Variants in FBXO25 observed in about 807,000 individuals in gnomAD.
The protein encoded by FBXO25 is F-box protein 25.
Under a neutral mutation model 51.9 loss-of-function variants are expected in FBXO25, and 45 were observed. That is an observed-to-expected ratio of 0.87 (90% confidence interval 0.68 to 1.11). FBXO25 has a LOEUF of 1.11. FBXO25 is among the 50% of genes most tolerant of loss of function. The pLI is 0.00. For missense variants in FBXO25, 507 were observed against 428.5 expected (o/e 1.18, Z -1.62); for synonymous variants, 199 against 151.0 (o/e 1.32, Z -2.33).
At chr8:449,355 TTC>T (rs1798936011) in intron 5 of FBXO25, among the ~76,000 whole-genome samples, 1 of 152,238 alleles carries the variant, frequency 6.6e-6, no homozygotes, top group Non-Finnish European at 1.5e-5. Context: ...TCGGTCATCA[TTC>T]CCACAGGAGA....
chr8:417,251 G>C (rs1238063029), intron 2 of FBXO25, among the ~76,000 whole-genome samples: 1 of 152,208 alleles, frequency 6.6e-6, no homozygotes, highest in East Asian at 1.9e-4. Flanking sequence ...GGTTTGAGTA[G>C]AAGAGTGATT....
chr8:468,811 C>CCCCTGCCATCCCTA lies in FBXO25; in HGVS notation c.*8_*21dup, dbSNP rs751581424. ...CGACCTCTTCAAGTTTTAAGGGCTG[C>CCCCTGCCATCCCTA]CCCTGCCATCCCTATTGGAGATTGT... On this transcript the variant is annotated 3_prime_UTR_variant, in exon 10 of 10. Coordinates refer to ENST00000350302, the MANE Select transcript of FBXO25 (RefSeq NM_183420.2). 1.2e-6 allele frequency: 2 copies of CCCCTGCCATCCCTA among 1,612,726 alleles called. No individual in the cohort carries two copies. Among genetic ancestry groups the CCCCTGCCATCCCTA allele is most frequent in the Non-Finnish European group, 1.7e-6 (2 of 1,179,174 alleles).
intron 5 of FBXO25, among the ~76,000 whole-genome samples, chr8:440,819 T>C (rs913064884): frequency 6.7e-6 from 1 of 148,334 alleles, no homozygotes; most frequent in African/African-American, 2.5e-5. Context: ...CTCCCACTTA[T>C]GAATAAGAAC....
At position 474,328 on chromosome 8, in the gene FBXO25, G is replaced by C. The variant is rs1800579300; in HGVS notation, c.*5524G>C. On this transcript the variant is annotated 3_prime_UTR_variant, in exon 10 of 10. Coordinates refer to ENST00000350302, the MANE Select transcript of FBXO25 (RefSeq NM_183420.2). ...TCTATGGATGGACCACATTTTGTTT[G>C]TGTACTCATCTGTTGAGGACACTTG... The C allele has an allele frequency of 4.8e-6, 1 of 210,100 alleles. No homozygotes were observed. The highest frequency in any genetic ancestry group is 8.3e-5 in the South Asian group (1 of 12,050). 13.0% of individuals were successfully genotyped at this position (210,100 alleles called of 1,614,324 possible). A position where few individuals can be genotyped will look rare whatever the true frequency, so the allele number is the denominator to read the frequency against.
In FBXO25 at chr8:454,318, G is replaced by C. The variant is rs2116752791; in HGVS notation, c.660+2865G>C. On this transcript the variant is annotated intron_variant, in intron 7 of 9. Coordinates refer to ENST00000350302, the MANE Select transcript of FBXO25 (RefSeq NM_183420.2). ...GCTAATGAATTGGAAGTGCTTTCAT[G>C]TGCACATCTCTGTGACTCAGTGAGA... is the stretch of plus-strand genomic sequence containing the variant. 1.3e-5 allele frequency among the ~76,000 whole-genome samples: 2 copies of C among 152,294 alleles called. 1 individual carries two copies. Among genetic ancestry groups the C allele is most frequent in the Middle Eastern group, 6.8e-3 (2 of 294 alleles).
At chr8:427,697 G>A (rs1466703304) in intron 2 of FBXO25, among the ~76,000 whole-genome samples, 1 of 149,468 alleles carries the variant, frequency 6.7e-6, no homozygotes, top group Non-Finnish European at 1.5e-5. Flanking sequence ...ATTATGTGTA[G>A]TATAGTACTT....
chr8:421,472 A>G (rs1797151313), intron 2 of FBXO25, among the ~76,000 whole-genome samples: 1 of 152,212 alleles, frequency 6.6e-6, no homozygotes, highest in Non-Finnish European at 1.5e-5. Flanking sequence ...TGTTTCTCAT[A>G]GGGGCATGGG....
rs115191934 is a variant in FBXO25 at position 465,075 on chromosome 8, G to A, written c.987+1925G>A. Among the ~76,000 whole-genome samples, 1,150 of 152,262 alleles carry A rather than the reference G, an allele frequency of 7.6e-3. 9 individuals are homozygous for A. The highest frequency in any genetic ancestry group is 0.017 in the Middle Eastern group (5 of 294). ...TATAGGGCACAGAAGGCACAGTATG[G>A]GGGTGAGTTGTCTGCAGTAGAAGCC... On this transcript the variant is annotated intron_variant, in intron 9 of 9. Transcript: ENST00000350302.
Position 435,669 on chromosome 8 carries a change from G to T in FBXO25, c.343G>T (p.Ala115Ser). 2 of 1,601,526 alleles carry T rather than the reference G, an allele frequency of 1.2e-6. No individual in the cohort carries two copies. Among genetic ancestry groups the T allele is most frequent in the Non-Finnish European group, 1.7e-6 (2 of 1,176,834 alleles). ...EAFNRLDFSSAIQDIRRFNYV... is the reference protein window; with the variant it reads ...EAFNRLDFSSSIQDIRRFNYV... ...CTTTAATCGGTTAGACTTCTCAAGT[G>T]CAATTCAAGATATCCGAAGGTTCAA... Residue 115 changes from alanine (A) to serine (S), a missense_variant, in exon 5 of 10, where the codon GCA becomes TCA. By Grantham distance (99) the Ala-to-Ser change is moderately conservative. Transcript: ENST00000350302.
chr8:441,771 C>A (rs1246868852), intron 5 of FBXO25, among the ~76,000 whole-genome samples: 1 of 152,212 alleles, frequency 6.6e-6, no homozygotes, highest in East Asian at 1.9e-4. Flanking sequence ...AAGCTCATCT[C>A]TGGTCATTAG....
intron 3 of FBXO25, among the ~76,000 whole-genome samples, chr8:432,344 TGAATG>T (rs1797866362): frequency 1.3e-5 from 2 of 152,170 alleles, no homozygotes. Flanking sequence ...TTAAAACTTA[TGAATG>T]GTTTATTTCT....
rs1009363420 is a variant in FBXO25, at chr8:477,567, A to C, written c.*8763A>C. 6.6e-6 allele frequency: 1 copy of C among 152,262 alleles called. No individual in the cohort carries two copies. Among genetic ancestry groups the C allele is most frequent in the African/African-American group, 2.4e-5 (1 of 41,476 alleles). 9.4% of individuals were successfully genotyped at this position (152,262 alleles called of 1,614,324 possible). On this transcript the variant is annotated 3_prime_UTR_variant, in exon 10 of 10. Transcript: ENST00000350302. ...GGCTGGGAGTAACTATAAATGAAAC[A>C]AGATTGGCCGGGAATTTGAGGCTGC...
intron 7 of FBXO25, among the ~76,000 whole-genome samples, chr8:452,994 C>G (rs945683722): frequency 6.6e-6 from 1 of 152,128 alleles, no homozygotes; most frequent in Non-Finnish European, 1.5e-5. Context: ...CCAGCTTGCC[C>G]CACTCAGTGC....
intron 5 of FBXO25, among the ~76,000 whole-genome samples, chr8:439,048 G>C (rs1308071796): frequency 1.3e-5 from 2 of 152,238 alleles, no homozygotes; most frequent in African/African-American, 4.8e-5. Context: ...GCACTTCCAT[G>C]AACTCAGAGG....
rs1230787023 is a variant in FBXO25, at chr8:470,294, C to CA, written c.*1491dup. The CA allele has an allele frequency of 2.0e-5, 3 of 152,180 alleles. No homozygotes were observed. Among genetic ancestry groups the CA allele is most frequent in the Admixed American group, 2.0e-4 (3 of 15,278 alleles). 9.4% of individuals were successfully genotyped at this position (152,180 alleles called of 1,614,324 possible). On this transcript the variant is annotated 3_prime_UTR_variant, in exon 10 of 10. Transcript: ENST00000350302. ...CAACCACTGGTAGTACAGCCAACAT[C>CA]ATGAGTCAAACATATTTTAAGGCTT...
chr8:417,979 A>C (rs1796910163), intron 2 of FBXO25, among the ~76,000 whole-genome samples: 1 of 152,318 alleles, frequency 6.6e-6, no homozygotes, highest in African/African-American at 2.4e-5. Context: ...TACCTTCTGT[A>C]ATTTTGTACC....
intron 2 of FBXO25, among the ~76,000 whole-genome samples, chr8:430,526 A>C (rs1797764896): frequency 6.6e-6 from 1 of 152,150 alleles, no homozygotes; most frequent in East Asian, 1.9e-4. Context: ...ATGACCGGCA[A>C]ATAAGCAATT....
chr8:436,790 C>A (rs942547157), intron 5 of FBXO25, among the ~76,000 whole-genome samples: 2 of 152,220 alleles, frequency 1.3e-5, no homozygotes, highest in African/African-American at 4.8e-5. Context: ...ATGTAGCTCT[C>A]TGATAGTTCA....
chr8:427,128 A>G (rs1448796642), intron 2 of FBXO25, among the ~76,000 whole-genome samples: 6 of 152,048 alleles, frequency 3.9e-5, no homozygotes, highest in African/African-American at 1.4e-4. Flanking sequence ...AGCTAAGTTT[A>G]GTAGGTAGCC....
Sources: allele counts gnomAD v4.1 joint callset (sites outside exome capture counted in the v4.1 genomes callset), GRCh38; gene constraint gnomAD v4.1.1; transcripts MANE v1.5; gene names NCBI Gene and HGNC (gene_info 2026-07-23, HGNC 2026-07-21).